NCKAP5: variants seen among roughly 807,000 people sequenced by gnomAD.
NCKAP5 encodes nck-associated protein 5.
NCKAP5 carries 92 observed loss-of-function variants against 167.0 expected under a neutral mutation model. The ratio of observed to expected loss-of-function variants is 0.55; its 90% CI spans 0.47 to 0.66. The LOEUF is 0.66. Ranked by LOEUF, NCKAP5 falls within the 30% of genes least tolerant of loss-of-function variation. The pLI, the probability that NCKAP5 is intolerant of heterozygous loss-of-function variation, is 0.00. For missense variants in NCKAP5, 2,378 were observed against 2,315.0 expected (o/e 1.03, Z -0.56); for synonymous variants, 891 against 877.4 (o/e 1.02, Z -0.27).
At chr2:133,659,476 C>T in the NCKAP5 span, among the ~76,000 whole-genome samples, 1 of 151,840 alleles carries the variant, frequency 6.6e-6, no homozygotes, top group Non-Finnish European at 1.5e-5. Context: ...ACACAAGCAA[C>T]AAAAGAAAAA....
intron 8 of NCKAP5, among the ~76,000 whole-genome samples, chr2:132,933,176 C>A (rs143695279): frequency 2.0e-5 from 3 of 152,082 alleles, no homozygotes; most frequent in African/African-American, 7.2e-5. Flanking sequence ...CTGCCCGCTG[C>A]GGCCTCCCAA....
intron 4 of NCKAP5, among the ~76,000 whole-genome samples, chr2:133,281,948 C>T (rs926553459): frequency 6.6e-6 from 1 of 152,158 alleles, no homozygotes; most frequent in Admixed American, 6.5e-5. Context: ...GTCACTTTTG[C>T]TAACAATTCA....
Position 133,382,164 on chromosome 2 carries a change from C to A in NCKAP5, c.70-79054G>T, listed in dbSNP as rs189700121. Among the ~76,000 whole-genome samples the A allele has an allele frequency of 5.7e-4, 87 of 152,272 alleles. 2 individuals carry two copies. The highest frequency in any genetic ancestry group is 2.0e-3 in the African/African-American group (82 of 41,562). ...TAAGAGTCATCCTTGTCTCCCGCCTCTTCCTCAATCTCAAATTCAACGAAC... is the reference window on the plus strand; with the variant it reads ...TAAGAGTCATCCTTGTCTCCCGCCTATTCCTCAATCTCAAATTCAACGAAC... On this transcript the variant is annotated intron_variant, in intron 3 of 19. Transcript: ENST00000409261.
At chr2:133,206,429 T>C (rs1261161799) in intron 5 of NCKAP5, among the ~76,000 whole-genome samples, 4 of 152,124 alleles carry the variant, frequency 2.6e-5, no homozygotes, top group African/African-American at 9.7e-5. Flanking sequence ...TGAACATAAA[T>C]TGTGAAGATT....
the NCKAP5 span, among the ~76,000 whole-genome samples, chr2:133,607,059 C>T: frequency 5.3e-5 from 8 of 152,108 alleles, no homozygotes; most frequent in Non-Finnish European, 1.2e-4. Context: ...AAAAAATCTC[C>T]GAAAGTGAGC....
chr2:132,738,438 A>G lies in NCKAP5; in HGVS notation c.5129-6387T>C, dbSNP rs147867425. ...TCTAGATGCCAAGTGGAATGCTGCC[A>G]TACTGTTTAACACCAGCATCCACAG... On this transcript the variant is annotated intron_variant, in intron 16 of 19. Coordinates refer to ENST00000409261, the MANE Select transcript of NCKAP5 (RefSeq NM_207363.3). Among the ~76,000 whole-genome samples, 331 of 152,332 alleles carry G rather than the reference A, an allele frequency of 2.2e-3. 1 individual carries two copies. Among genetic ancestry groups the G allele is most frequent in the African/African-American group, 7.6e-3 (314 of 41,586 alleles).
chr2:132,685,744 G>A lies in NCKAP5; in HGVS notation c.5714-12439C>T, dbSNP rs138855564. Among the ~76,000 whole-genome samples, 604 of 152,226 alleles carry A rather than the reference G, an allele frequency of 4.0e-3. 20 individuals carry two copies. The highest frequency in any genetic ancestry group is 2.7e-3 in the East Asian group (14 of 5,170). On this transcript the variant is annotated intron_variant, in intron 19 of 19. Coordinates refer to ENST00000409261, the MANE Select transcript of NCKAP5 (RefSeq NM_207363.3). ...TTTCTCCCCATGGAAGCAAGGTTTCGCAGAGTAGGTAGAGAGCTGCAGTAG... is the reference window on the plus strand; with the variant it reads ...TTTCTCCCCATGGAAGCAAGGTTTCACAGAGTAGGTAGAGAGCTGCAGTAG...
intron 16 of NCKAP5, among the ~76,000 whole-genome samples, chr2:132,771,467 A>C (rs1682041043): frequency 6.6e-6 from 1 of 152,228 alleles, no homozygotes; most frequent in African/African-American, 2.4e-5. Context: ...AAAAAGTGAC[A>C]GTAAGCTGAA....
chr2:133,436,703 T>G (rs1211844967), intron 3 of NCKAP5, among the ~76,000 whole-genome samples: 1 of 152,144 alleles, frequency 6.6e-6, no homozygotes, highest in Non-Finnish European at 1.5e-5. Flanking sequence ...GGCGTCGCCC[T>G]TCTAGGAAAT....
At chr2:132,908,121 C>T (rs903109181) in intron 8 of NCKAP5, among the ~76,000 whole-genome samples, 1 of 152,088 alleles carries the variant, frequency 6.6e-6, no homozygotes, top group South Asian at 2.1e-4. Context: ...ATTTCTGTAA[C>T]CTTTATTTAT....
chr2:133,203,123 A>G (rs1448369834), intron 5 of NCKAP5, among the ~76,000 whole-genome samples: 1 of 152,176 alleles, frequency 6.6e-6, no homozygotes, highest in Non-Finnish European at 1.5e-5. Context: ...CACAATAGCA[A>G]AGACTTGGAA....
At chr2:133,672,790 G>T in the NCKAP5 span, among the ~76,000 whole-genome samples, 6 of 152,158 alleles carry the variant, frequency 3.9e-5, no homozygotes, top group Non-Finnish European at 8.8e-5. Flanking sequence ...GTCAACCCCT[G>T]TTCTAGGCCA....
At chr2:132,949,411 C>T (rs2076113747) in intron 8 of NCKAP5, among the ~76,000 whole-genome samples, 1 of 152,170 alleles carries the variant, frequency 6.6e-6, no homozygotes, top group Non-Finnish European at 1.5e-5. Flanking sequence ...TGAAGGGCCC[C>T]TGTGCCCCAG....
rs114409956 is a variant in NCKAP5 at position 133,372,732 on chromosome 2, A to G, written c.70-69622T>C. 2.5e-3 allele frequency among the ~76,000 whole-genome samples: 377 copies of G among 152,352 alleles called. 4 individuals are homozygous for G. Among genetic ancestry groups the G allele is most frequent in the African/African-American group, 8.7e-3 (363 of 41,582 alleles). ...TTTAGGACCCAGATTTCTACCTCTT[A>G]CAGAATGAGTAAATCTTTGCTAATG... On this transcript the variant is annotated intron_variant, in intron 3 of 19. Coordinates refer to ENST00000409261, the MANE Select transcript of NCKAP5 (RefSeq NM_207363.3).
chr2:133,446,759 G>T (rs1309655667), intron 3 of NCKAP5, among the ~76,000 whole-genome samples: 4 of 152,152 alleles, frequency 2.6e-5, no homozygotes, highest in Non-Finnish European at 1.5e-5. Flanking sequence ...CATGTCTGGA[G>T]ATGACAGCTG....
chr2:132,963,935 G>GA, intron 7 of NCKAP5, 66 bp from the exon 8 acceptor site: 2 of 1,559,830 alleles, frequency 1.3e-6, no homozygotes, highest in South Asian at 2.2e-5. Flanking sequence ...GTGTGAGGCT[G>GA]AAAAGGCTGG....
At chr2:132,857,223 C>T (rs759805965) in intron 11 of NCKAP5, among the ~76,000 whole-genome samples, 13 of 151,554 alleles carry the variant, frequency 8.6e-5, no homozygotes, top group Non-Finnish European at 1.8e-4. Context: ...GTCTATGATT[C>T]CTAATTTTTG....
chr2:133,420,781 G>A (rs1689424385), intron 3 of NCKAP5, among the ~76,000 whole-genome samples: 1 of 152,096 alleles, frequency 6.6e-6, no homozygotes, highest in Non-Finnish European at 1.5e-5. Context: ...TTTCACAGAT[G>A]AAGAAATAAA....
chr2:133,537,046 GAGA>G (rs1378911856), intron 2 of NCKAP5, among the ~76,000 whole-genome samples: 1 of 151,940 alleles, frequency 6.6e-6, no homozygotes, highest in Non-Finnish European at 1.5e-5. Context: ...ATTATTTGTT[GAGA>G]AGATTATTCT....
Sources: allele counts gnomAD v4.1 joint callset (sites outside exome capture counted in the v4.1 genomes callset), GRCh38; gene constraint gnomAD v4.1.1; transcripts MANE v1.5; gene names NCBI Gene and HGNC (gene_info 2026-07-23, HGNC 2026-07-21).